The following SNTG2 variants were observed in gnomAD, a reference collection of about 807,000 sequenced individuals.
SNTG2 encodes the protein gamma-2-syntrophin.
Under a neutral mutation model 70.9 loss-of-function variants are expected in SNTG2, and 74 were observed. The observed-to-expected ratio is 1.04, with a 90% CI of 0.86 to 1.27. SNTG2 has a LOEUF of 1.27. Ranked by LOEUF, SNTG2 falls within the 50% of genes most tolerant of loss-of-function variation. The pLI is 0.00. For synonymous variants in SNTG2, 278 were observed against 273.8 expected (o/e 1.02, Z -0.15); for missense variants, 717 against 690.7 (o/e 1.04, Z -0.43).
intron 1 of SNTG2, among the ~76,000 whole-genome samples, chr2:972,442 G>T (rs1388181701): frequency 6.6e-6 from 1 of 152,164 alleles, no homozygotes; most frequent in East Asian, 1.9e-4. Context: ...CAAAATTAGA[G>T]TAGTAACTCC....
At chr2:1,042,893 G>T (rs1275791985) in intron 1 of SNTG2, among the ~76,000 whole-genome samples, 1 of 152,186 alleles carries the variant, frequency 6.6e-6, no homozygotes, top group African/African-American at 2.4e-5. Flanking sequence ...CCTGGTAATA[G>T]GATTGCTGGG....
intron 13 of SNTG2, among the ~76,000 whole-genome samples, chr2:1,260,202 G>A (rs1678343783): frequency 6.6e-6 from 1 of 152,170 alleles, no homozygotes; most frequent in Non-Finnish European, 1.5e-5. Context: ...ATAAAGATTT[G>A]TCTTTCAAAG....
intron 1 of SNTG2, among the ~76,000 whole-genome samples, chr2:991,990 G>T (rs1474613410): frequency 6.6e-6 from 1 of 152,124 alleles, no homozygotes; most frequent in Admixed American, 6.5e-5. Flanking sequence ...ACTCCACTAT[G>T]ACCCAGCATG....
chr2:1,142,014 G>A (rs1668786916), intron 6 of SNTG2, among the ~76,000 whole-genome samples: 1 of 152,052 alleles, frequency 6.6e-6, no homozygotes, highest in African/African-American at 2.4e-5. Flanking sequence ...AGGCTAACAG[G>A]GAGATCTGCA....
At chr2:991,021 C>T (rs1052530485) in intron 1 of SNTG2, among the ~76,000 whole-genome samples, 2 of 152,022 alleles carry the variant, frequency 1.3e-5, no homozygotes, top group Admixed American at 6.6e-5. Flanking sequence ...CTCCCATTTA[C>T]TTGTTAAGTA....
chr2:1,174,845 A>G (rs1671365375), intron 8 of SNTG2, among the ~76,000 whole-genome samples: 1 of 151,968 alleles, frequency 6.6e-6, no homozygotes, highest in African/African-American at 2.4e-5. Flanking sequence ...AATGCTGTTT[A>G]TCTCTTTGGC....
chr2:1,136,527 T>G (rs960539362), intron 4 of SNTG2, among the ~76,000 whole-genome samples: 1 of 152,216 alleles, frequency 6.6e-6, no homozygotes, highest in South Asian at 2.1e-4. Flanking sequence ...TACACTGATA[T>G]GAAAACTATA....
At chr2:1,205,350 C>T (rs929078620) in intron 8 of SNTG2, among the ~76,000 whole-genome samples, 1 of 152,152 alleles carries the variant, frequency 6.6e-6, no homozygotes, top group African/African-American at 2.4e-5. Context: ...TTTCAAAATG[C>T]ACCCATCTGG....
chr2:1,258,539 A>G (rs1678244926), intron 12 of SNTG2, among the ~76,000 whole-genome samples: 1 of 152,034 alleles, frequency 6.6e-6, no homozygotes, highest in Admixed American at 6.5e-5. Context: ...GTTTGCTGCA[A>G]GGATTACCAG....
chr2:1,088,259 T>C (rs1338185843), intron 2 of SNTG2, among the ~76,000 whole-genome samples: 3 of 152,232 alleles, frequency 2.0e-5, no homozygotes, highest in Non-Finnish European at 4.4e-5. Context: ...CATTTATTAG[T>C]TTGTTAACTC....
At chr2:1,002,391 C>CA (rs1190846068) in intron 1 of SNTG2, among the ~76,000 whole-genome samples, 2 of 151,824 alleles carry the variant, frequency 1.3e-5, no homozygotes, top group Non-Finnish European at 2.9e-5. Context: ...ACAAGGAATG[C>CA]AAAAAACTCA....
intron 1 of SNTG2, among the ~76,000 whole-genome samples, chr2:1,047,496 C>T (rs140083690): frequency 0.021 from 3,181 of 152,294 alleles, 106 homozygotes; most frequent in African/African-American, 0.071. Context: ...TGCTGATACT[C>T]CTTCAGCTGT....
intron 6 of SNTG2, among the ~76,000 whole-genome samples, chr2:1,144,481 G>A (rs779977409): frequency 2.6e-5 from 4 of 152,130 alleles, no homozygotes; most frequent in African/African-American, 4.8e-5. Context: ...ACATTTTAAC[G>A]AATTTAAAGA....
intron 8 of SNTG2, among the ~76,000 whole-genome samples, chr2:1,203,168 A>G (rs1471446728): frequency 2.0e-5 from 3 of 152,208 alleles, no homozygotes; most frequent in Non-Finnish European, 4.4e-5. Context: ...ATGCTGGGCC[A>G]TGATCTACTA....
At chr2:1,290,319 T>C (rs1299946309) in intron 14 of SNTG2, among the ~76,000 whole-genome samples, 1 of 65,058 alleles carries the variant, frequency 1.5e-5, no homozygotes, top group Non-Finnish European at 3.9e-5. Flanking sequence ...TCTACATCCT[T>C]TTTTTTTTTT....
chr2:1,340,532 A>C (rs761365390), intron 16 of SNTG2, among the ~76,000 whole-genome samples: 2 of 152,254 alleles, frequency 1.3e-5, no homozygotes, highest in African/African-American at 4.8e-5. Context: ...GCGTCTCTCC[A>C]AAAAGATATG....
At chr2:1,193,832 A>G (rs1413143346) in intron 8 of SNTG2, among the ~76,000 whole-genome samples, 1 of 152,234 alleles carries the variant, frequency 6.6e-6, no homozygotes, top group African/African-American at 2.4e-5. Flanking sequence ...ACCCACCAGA[A>G]TAACTCTGAA....
intron 6 of SNTG2, among the ~76,000 whole-genome samples, chr2:1,147,570 C>A (rs1669183027): frequency 6.6e-6 from 1 of 152,146 alleles, no homozygotes; most frequent in South Asian, 2.1e-4. Flanking sequence ...TATTGTGGGA[C>A]CTTGTGATTG....
intron 4 of SNTG2, among the ~76,000 whole-genome samples, chr2:1,131,844 A>G (rs1012615079): frequency 8.6e-5 from 13 of 151,558 alleles, no homozygotes; most frequent in East Asian, 3.9e-4. Flanking sequence ...TAGAGACGGG[A>G]TTTCACTGTG....
Sources: gnomAD v4.1 joint callset for allele counts (sites outside exome capture counted in the v4.1 genomes callset) on GRCh38, gnomAD v4.1.1 for gene constraint, MANE v1.5 for transcripts, NCBI Gene and HGNC (gene_info 2026-07-23, HGNC 2026-07-21) for gene names.